The following SNAP47 variants were observed in gnomAD, a reference collection of about 807,000 sequenced individuals.
The protein encoded by SNAP47 is synaptosomal-associated protein 47.
In SNAP47, 20 loss-of-function variants were observed where a neutral mutation model predicts 31.4. The observed-to-expected ratio is 0.64, with a 90% CI of 0.45 to 0.93. SNAP47 has a LOEUF of 0.93. SNAP47 is among the 40% of genes least tolerant of loss of function. SNAP47 has a pLI of 0.00. For missense variants in SNAP47, 492 were observed against 528.5 expected, an observed-to-expected ratio of 0.93 and a Z score of 0.68; for synonymous variants, 194 against 213.4, an observed-to-expected ratio of 0.91 and a Z score of 0.79.
intron 1 of SNAP47, among the ~76,000 whole-genome samples, chr1:227,739,676 T>C (rs893490248): frequency 6.6e-6 from 1 of 152,186 alleles, no homozygotes; most frequent in Admixed American, 6.5e-5. Context: ...CAGGGGACCC[T>C]TGAGTGATGG....
intron 2 of SNAP47, among the ~76,000 whole-genome samples, chr1:227,749,589 C>T (rs1386214876): frequency 2.0e-5 from 3 of 152,334 alleles, no homozygotes; most frequent in East Asian, 3.9e-4. Context: ...ATACTATCCA[C>T]CTTCCTGGAT....
At chr1:227,734,756 T>A (rs1470360030), upstream of SNAP47, 1 of 1,614,146 alleles carries the variant, frequency 6.2e-7, no homozygotes, top group Admixed American at 1.7e-5. Flanking sequence ...AGTCATGTGC[T>A]CTTTGGGGTT....
chr1:227,749,001 GT>G (rs1225014574), intron 2 of SNAP47, among the ~76,000 whole-genome samples: 1 of 152,106 alleles, frequency 6.6e-6, no homozygotes, highest in Non-Finnish European at 1.5e-5. Context: ...CTATTCTAGT[GT>G]GTGTTTCTGG....
upstream of SNAP47, chr1:227,732,291 G>C (rs1455364783): frequency 3.6e-6 from 5 of 1,387,204 alleles, no homozygotes; most frequent in Non-Finnish European, 5.0e-6. Flanking sequence ...CTCGACAGGG[G>C]TGGGCCCCAG....
intron 2 of SNAP47, among the ~76,000 whole-genome samples, chr1:227,749,374 AG>A (rs1662194374): frequency 6.6e-6 from 1 of 152,084 alleles, no homozygotes; most frequent in Non-Finnish European, 1.5e-5. Context: ...GGTTCCATCC[AG>A]TCCCTCTTCT....
intron 1 of SNAP47, among the ~76,000 whole-genome samples, chr1:227,738,357 TA>T (rs1487022855): frequency 1.3e-5 from 2 of 152,162 alleles, no homozygotes; most frequent in Non-Finnish European, 2.9e-5. Flanking sequence ...GACCGTTTTT[TA>T]TTCCTGGTGT....
intron 1 of SNAP47, among the ~76,000 whole-genome samples, chr1:227,737,839 A>G (rs78169714): frequency 0.014 from 2,192 of 151,818 alleles, 49 homozygotes; most frequent in African/African-American, 0.05. Context: ...AGTGCGTGCT[A>G]TGGTCCCTTC....
At chr1:227,746,842 C>G (rs1469390759) in intron 1 of SNAP47, 1 of 152,274 alleles carries the variant, frequency 6.6e-6, no homozygotes, top group Non-Finnish European at 1.5e-5. Flanking sequence ...GTGAGGCATC[C>G]CCGGCCTGGC....
upstream of SNAP47, chr1:227,733,410 T>A (rs1660807140): frequency 6.4e-7 from 1 of 1,571,462 alleles, no homozygotes; most frequent in Non-Finnish European, 8.6e-7. Flanking sequence ...AAGCAGCACA[T>A]TACCAGGTTG....
intron 1 of SNAP47, among the ~76,000 whole-genome samples, chr1:227,738,426 T>TCTCC (rs1377157975): frequency 2.0e-5 from 3 of 152,118 alleles, no homozygotes; most frequent in African/African-American, 7.2e-5. Context: ...TCATTCTCTC[T>TCTCC]CTCCACTCTT....
chr1:227,776,298 A>G lies in SNAP47; in HGVS notation c.1114-4229A>G, dbSNP rs566711249. The G allele has an allele frequency of 5.0e-6, 5 of 994,230 alleles. No homozygotes were observed. The East Asian group carries it at 5.2e-4, about 104-fold the overall frequency. 61.6% of individuals were successfully genotyped at this position (994,230 alleles called of 1,614,324 possible). A position where few individuals can be genotyped will look rare whatever the true frequency, so the allele number is the denominator to read the frequency against. On this transcript the variant is annotated intron_variant, in intron 4 of 4. Transcript: ENST00000617596. ...GCCTGGATTGTACTGTCCTTCAAGC[A>G]CTCCTTGCTCTATTTCTTTGAAGTT...
rs1660475840 is a variant in SNAP47, at chr1:227,728,999, G to A, written c.-95+213G>A. Among the ~76,000 whole-genome samples, 4 of 152,324 alleles carry A rather than the reference G, an allele frequency of 2.6e-5. No individual in the cohort carries two copies. The South Asian group carries it at 8.3e-4, about 32-fold the overall frequency. On this transcript the variant is annotated intron_variant, in intron 1 of 3. Coordinates refer to the SNAP47 transcript ENST00000366760. Reference sequence around the variant, plus strand: ...GGATCCACGAGCTGCGGCTCTCTAGGTGGGGCGAGGGGTCCAGGCGGGGTC... The same window carrying A: ...GGATCCACGAGCTGCGGCTCTCTAGATGGGGCGAGGGGTCCAGGCGGGGTC...
intron 1 of SNAP47, chr1:227,735,791 G>A: frequency 1.1e-6 from 1 of 892,516 alleles, no homozygotes; most frequent in Non-Finnish European, 1.3e-6. Context: ...GAGATGGTAG[G>A]GTCCTGGAGG....
At position 227,763,858 on chromosome 1, in the gene SNAP47, G is replaced by A. The variant is rs1209879899; in HGVS notation, c.989-3101G>A. Among the ~76,000 whole-genome samples the A allele has an allele frequency of 1.3e-5, 2 of 152,194 alleles. No individual in the cohort carries two copies. The highest frequency in any genetic ancestry group is 2.9e-5 in the Non-Finnish European group (2 of 68,030). ...GGGCTTGCTGGAGACAGACAGGCTG[G>A]TGGCCCAGGTCCCCGCTCCCAGGCA... is the stretch of plus-strand genomic sequence containing the variant. On this transcript the variant is annotated intron_variant, in intron 3 of 4. Transcript: ENST00000617596. This position sits in a 1 kb window ranked among gnomAD's most constrained non-coding sequence, Gnocchi z 4.2.
chr1:227,749,489 T>C (rs1662203952), intron 2 of SNAP47, among the ~76,000 whole-genome samples: 1 of 152,148 alleles, frequency 6.6e-6, no homozygotes, highest in Non-Finnish European at 1.5e-5. Flanking sequence ...TCTTCCTACC[T>C]CTGCTGGGAG....
chr1:227,758,891 A>C, intron 2 of SNAP47, 104 bp from the exon 3 acceptor site: 1 of 1,393,756 alleles, frequency 7.2e-7, no homozygotes, highest in Non-Finnish European at 9.6e-7. Context: ...GTAGAGTAAA[A>C]TGGCAACATG....
upstream of SNAP47, chr1:227,733,392 G>A (rs779171320): frequency 1.5e-5 from 23 of 1,566,288 alleles, no homozygotes; most frequent in South Asian, 2.1e-4. Flanking sequence ...CCTGATAGGG[G>A]GCAGGAGAAG....
chr1:227,749,231 G>A (rs985486093), intron 2 of SNAP47, among the ~76,000 whole-genome samples: 11 of 152,008 alleles, frequency 7.2e-5, no homozygotes, highest in African/African-American at 2.4e-4. Flanking sequence ...AAGATGGTGT[G>A]TGTGGGGCTG....
intron 3 of SNAP47, among the ~76,000 whole-genome samples, chr1:227,764,217 A>T (rs1663244244): frequency 6.6e-6 from 1 of 152,230 alleles, no homozygotes; most frequent in African/African-American, 2.4e-5. Flanking sequence ...AAGAAATGTT[A>T]AAAAGAGTGA....
Sources: gnomAD v4.1 joint callset for allele counts (sites outside exome capture counted in the v4.1 genomes callset) on GRCh38, gnomAD v4.1.1 for gene constraint, Gnocchi (gnomAD v3.1) non-coding constraint, MANE v1.5 for transcripts, NCBI Gene and HGNC (gene_info 2026-07-23, HGNC 2026-07-21) for gene names.